AMD1: variants seen among roughly 807,000 people sequenced by gnomAD.
The protein encoded by AMD1 is S-adenosylmethionine decarboxylase proenzyme.
Under a neutral mutation model 40.2 loss-of-function variants are expected in AMD1, and 11 were observed. The ratio of observed to expected loss-of-function variants is 0.27; its 90% CI spans 0.17 to 0.45. The LOEUF (loss-of-function observed/expected upper bound fraction) is 0.45. Ranked by LOEUF, AMD1 falls within the 20% of genes least tolerant of loss-of-function variation. AMD1 has a pLI of 1.00. For missense variants in AMD1, 257 were observed against 410.2 expected, an observed-to-expected ratio of 0.63 and a Z score of 3.23; for synonymous variants, 121 against 130.8, an observed-to-expected ratio of 0.93 and a Z score of 0.51.
intron 3 of AMD1, chr6:110,889,341 T>A: frequency 6.2e-6 from 1 of 161,384 alleles, no homozygotes; most frequent in Non-Finnish European, 1.4e-5. Flanking sequence ...AGAGTTAGGA[T>A]GAAGAGCAAC....
At chr6:110,876,979 T>C (rs979791518) in intron 1 of AMD1, among the ~76,000 whole-genome samples, 1 of 152,250 alleles carries the variant, frequency 6.6e-6, no homozygotes, top group Non-Finnish European at 1.5e-5. Context: ...TTTGGCTGTT[T>C]AGAGCTTCCT....
intron 4 of AMD1, chr6:110,890,680 G>T: frequency 5.8e-6 from 1 of 172,184 alleles, no homozygotes; most frequent in Non-Finnish European, 1.2e-5. Flanking sequence ...GTAAAGACAA[G>T]GTTTTGCCAT....
chr6:110,836,643 T>C, the AMD1 span, among the ~76,000 whole-genome samples: 1 of 152,164 alleles, frequency 6.6e-6, no homozygotes, highest in African/African-American at 2.4e-5. Flanking sequence ...TAAGACACAA[T>C]TGGCTTGTTT....
chr6:110,893,982 A>C lies in AMD1; in HGVS notation c.*366A>C. On this transcript the variant is annotated 3_prime_UTR_variant, in exon 9 of 9. Coordinates refer to ENST00000368885, the MANE Select transcript of AMD1 (RefSeq NM_001634.6). ...TATCATCCAAAATTCCCCACAGACA[A>C]GGCTTTCGTCCTCATTAGGTGTTGG... 1 of 213,902 alleles carries C rather than the reference A, an allele frequency of 4.7e-6. No homozygotes were observed. The highest frequency in any genetic ancestry group is 7.6e-5 in the South Asian group (1 of 13,174). The allele number at this position is 213,902 out of a possible 1,614,324, so 13.3% of individuals were successfully genotyped here. A position where few individuals can be genotyped will look rare whatever the true frequency, so the allele number is the denominator to read the frequency against.
chr6:110,854,234 A>G, the AMD1 span, among the ~76,000 whole-genome samples: 1 of 152,222 alleles, frequency 6.6e-6, no homozygotes, highest in Non-Finnish European at 1.5e-5. Flanking sequence ...CACTGGTGGT[A>G]CCACACCTTT....
At chr6:110,872,013 A>G (rs1355208724), upstream of AMD1, among the ~76,000 whole-genome samples, 3 of 152,228 alleles carry the variant, frequency 2.0e-5, no homozygotes, top group Admixed American at 1.3e-4. Context: ...ACTTTTTTCT[A>G]GAAGGAAGGC....
intron 7 of AMD1, 33 bp from the exon 8 acceptor site, chr6:110,892,877 T>G (rs367697788): frequency 1.2e-6 from 2 of 1,613,454 alleles, no homozygotes; most frequent in South Asian, 2.2e-5. Context: ...GAATAGTCTT[T>G]CCATTCTTAA....
the AMD1 span, among the ~76,000 whole-genome samples, chr6:110,835,123 A>G: frequency 1.4e-5 from 2 of 147,378 alleles, no homozygotes; most frequent in African/African-American, 5.0e-5. Flanking sequence ...GGTTCACACC[A>G]TTCTCCTGCC....
the AMD1 span, among the ~76,000 whole-genome samples, chr6:110,862,351 G>A: frequency 6.8e-6 from 1 of 146,138 alleles, no homozygotes; most frequent in African/African-American, 2.5e-5. Flanking sequence ...TTTTTTAATG[G>A]ATAGAGTGCT....
chr6:110,847,726 T>TG, the AMD1 span, among the ~76,000 whole-genome samples: 1 of 151,642 alleles, frequency 6.6e-6, no homozygotes, highest in African/African-American at 2.4e-5. Flanking sequence ...TTTTTTGTTT[T>TG]TTTGAGATGA....
the AMD1 span, among the ~76,000 whole-genome samples, chr6:110,842,099 G>A: frequency 8.7e-4 from 132 of 152,170 alleles, 3 homozygotes; most frequent in East Asian, 0.013. Context: ...CATCTAGCCC[G>A]GCAAAACATT....
At chr6:110,883,819 G>A (rs545482132) in intron 1 of AMD1, among the ~76,000 whole-genome samples, 1 of 151,856 alleles carries the variant, frequency 6.6e-6, no homozygotes, top group Non-Finnish European at 1.5e-5. Context: ...GGATGGTCTT[G>A]ATCTCCTGAC....
At chr6:110,892,026 A>G in intron 4 of AMD1, 135 bp from the exon 5 acceptor site, 3 of 1,062,388 alleles carry the variant, frequency 2.8e-6, no homozygotes, top group Non-Finnish European at 4.3e-6. Flanking sequence ...ATGAGCTACT[A>G]TGCCCAGTCC....
chr6:110,875,314 T>G (rs746779124), intron 1 of AMD1, 99 bp downstream of exon 1: 3 of 1,017,398 alleles, frequency 2.9e-6, no homozygotes, highest in Middle Eastern at 2.0e-4. Context: ...CAGCTTTCAG[T>G]TGGGGGCAAG....
the AMD1 span, among the ~76,000 whole-genome samples, chr6:110,823,310 T>C: frequency 1.3e-5 from 2 of 152,132 alleles, no homozygotes; most frequent in African/African-American, 4.8e-5. Context: ...CCCTGAGAGC[T>C]GGAACAAGAC....
the AMD1 span, among the ~76,000 whole-genome samples, chr6:110,829,659 A>G: frequency 6.6e-6 from 1 of 151,500 alleles, no homozygotes; most frequent in South Asian, 2.1e-4. Flanking sequence ...ACAGAGGGAG[A>G]CTCTGTCTCA....
chr6:110,891,792 G>C (rs1408371662), intron 4 of AMD1: 1 of 211,284 alleles, frequency 4.7e-6, no homozygotes, highest in East Asian at 1.2e-4. Flanking sequence ...ACCCAGGCTG[G>C]AGTGGAGTGG....
chr6:110,832,972 C>G, the AMD1 span, among the ~76,000 whole-genome samples: 1 of 152,184 alleles, frequency 6.6e-6, no homozygotes, highest in Non-Finnish European at 1.5e-5. Flanking sequence ...AGGCGCCCAC[C>G]ACCACGCCTG....
the AMD1 span, among the ~76,000 whole-genome samples, chr6:110,853,336 C>T: frequency 1.3e-5 from 2 of 149,402 alleles, no homozygotes; most frequent in African/African-American, 4.9e-5. Flanking sequence ...GAGACGGAAT[C>T]TCGGTCTGTT....
Sources: allele counts gnomAD v4.1 joint callset (sites outside exome capture counted in the v4.1 genomes callset), GRCh38; gene constraint gnomAD v4.1.1; transcripts MANE v1.5; gene names NCBI Gene and HGNC (gene_info 2026-07-23, HGNC 2026-07-21).